The following PWWP2A variants were observed in gnomAD, a reference collection of about 807,000 sequenced individuals.
PWWP2A encodes PWWP domain containing 2A, also known as PWWP domain-containing protein 2A.
PWWP2A carries 18 observed loss-of-function variants against 48.5 expected under a neutral mutation model. That is an observed-to-expected ratio of 0.37 (90% CI 0.26 to 0.55). The LOEUF (loss-of-function observed/expected upper bound fraction) is 0.55. Ranked by LOEUF, PWWP2A falls within the 20% of genes least tolerant of loss-of-function variation. The probability of loss-of-function intolerance (pLI) is 0.81; values close to 1 mark genes in which losing one functional copy is unlikely to be tolerated. For missense variants in PWWP2A, 867 were observed against 976.4 expected (o/e 0.89, Z 1.49); for synonymous variants, 396 against 387.7 (o/e 1.02, Z -0.25).
At position 160,092,934 on chromosome 5, in the gene PWWP2A, T is replaced by C. The variant is rs1254556420; in HGVS notation, c.1716A>G (p.Gln572=). The C allele has an allele frequency of 1.7e-5, 27 of 1,551,644 alleles. No individual in the cohort carries two copies. The highest frequency in any genetic ancestry group is 2.7e-5 in the African/African-American group (2 of 73,050). ...AAGCACTGGAAGAGTCAGATTTCTT[T>C]TGATTTAGGGTCATATAAACAGAGA... The part of the protein sequence containing the change: ...NNISVYMTLN[Q]KKSDSSSASV... The change falls in exon 2 of 2, where the codon CAA becomes CAG. Residue 572 remains glutamine (Q), a synonymous_variant. Transcript: ENST00000307063.
At chr5:160,086,095 A>G (rs2113494660) in intron 2 of PWWP2A, among the ~76,000 whole-genome samples, 1 of 152,330 alleles carries the variant, frequency 6.6e-6, no homozygotes, top group Non-Finnish European at 1.5e-5. Context: ...CTGGGATTAC[A>G]GAAGTGGGCC....
At chr5:160,095,217 T>C (rs1755510831) in intron 1 of PWWP2A, among the ~76,000 whole-genome samples, 1 of 152,138 alleles carries the variant, frequency 6.6e-6, no homozygotes, top group Admixed American at 6.6e-5. Context: ...GCTTTAAGGC[T>C]AGTCAGACCC....
chr5:160,115,553 C>A (rs965121333), intron 1 of PWWP2A, among the ~76,000 whole-genome samples: 1 of 152,040 alleles, frequency 6.6e-6, no homozygotes, highest in East Asian at 1.9e-4. Context: ...ATTAGCCGGG[C>A]GTGGTGGCGG....
At chr5:160,085,851 C>T (rs1197575567) in intron 2 of PWWP2A, among the ~76,000 whole-genome samples, 1 of 149,556 alleles carries the variant, frequency 6.7e-6, no homozygotes, top group Non-Finnish European at 1.5e-5. Flanking sequence ...TGGAGTCTCA[C>T]TCTGTCATCC....
intron 1 of PWWP2A, among the ~76,000 whole-genome samples, chr5:160,107,969 C>T (rs912865060): frequency 5.3e-5 from 8 of 151,992 alleles, no homozygotes; most frequent in Admixed American, 4.6e-4. Context: ...CCATTGCACT[C>T]TGGCCTGGGC....
At chr5:160,108,112 A>C (rs1757084904) in intron 1 of PWWP2A, among the ~76,000 whole-genome samples, 1 of 151,754 alleles carries the variant, frequency 6.6e-6, no homozygotes, top group East Asian at 1.9e-4. Context: ...TAATTCCATA[A>C]TTTGTTACAG....
the PWWP2A span, chr5:160,051,114 TC>T: frequency 6.4e-7 from 1 of 1,566,590 alleles, no homozygotes; most frequent in Non-Finnish European, 8.7e-7. Context: ...CCCTTGTTTC[TC>T]CTCTTTTCCT....
At chr5:160,104,909 T>TA (rs1756708447) in intron 1 of PWWP2A, among the ~76,000 whole-genome samples, 2 of 152,094 alleles carry the variant, frequency 1.3e-5, no homozygotes, top group South Asian at 2.1e-4. Context: ...CCCTTTCCCT[T>TA]ACATTCTCAA....
chr5:160,067,245 T>G (rs4540217), intron 2 of PWWP2A, among the ~76,000 whole-genome samples: 1 of 151,870 alleles, frequency 6.6e-6, no homozygotes, highest in Non-Finnish European at 1.5e-5. Flanking sequence ...AAAAATAGAC[T>G]CTTTAATTTT....
At chr5:160,082,056 GAGGTA>G (rs1754270669) in intron 2 of PWWP2A, among the ~76,000 whole-genome samples, 1 of 152,120 alleles carries the variant, frequency 6.6e-6, no homozygotes, top group African/African-American at 2.4e-5. Flanking sequence ...ATTTAATAAT[GAGGTA>G]TTTATCCTTT....
At position 160,119,441 on chromosome 5, in the gene PWWP2A, A is replaced by G; in HGVS notation, c.-53T>C. On this transcript the variant is annotated 5_prime_UTR_variant, in exon 1 of 2. Transcript: ENST00000307063. The stretch of plus-strand genomic sequence containing the variant: ...CTCCGGCTGCAGCGGCGGCGGCGAC[A>G]GCGCTGCTTGGTTCCCTGGGCCTTC... 1 of 1,351,442 alleles carries G rather than the reference A, an allele frequency of 7.4e-7. No individual in the cohort carries two copies. Among genetic ancestry groups the G allele is most frequent in the African/African-American group, 1.5e-5 (1 of 64,980 alleles). 83.7% of individuals were successfully genotyped at this position (1,351,442 alleles called of 1,614,324 possible). A position where few individuals can be genotyped will look rare whatever the true frequency, so the allele number is the denominator to read the frequency against.
chr5:160,106,864 AC>A (rs1756955078), intron 1 of PWWP2A, among the ~76,000 whole-genome samples: 1 of 128,530 alleles, frequency 7.8e-6, no homozygotes, highest in African/African-American at 3.0e-5. Context: ...TCACTCTTTC[AC>A]CCAGGCTGGA....
At chr5:160,109,757 GAAAAAA>G (rs755988668) in intron 1 of PWWP2A, among the ~76,000 whole-genome samples, 760 of 53,242 alleles carry the variant, frequency 0.014, 4 homozygotes, top group Non-Finnish European at 0.017. Context: ...ATGCAACTGG[GAAAAAA>G]AAAAAAAAAA....
Position 160,093,558 on chromosome 5 carries a change from T to C in PWWP2A, c.1092A>G (p.Lys364=). 6.2e-7 allele frequency: 1 copy of C among 1,613,344 alleles called. No individual in the cohort carries two copies. The highest frequency in any genetic ancestry group is 8.5e-7 in the Non-Finnish European group (1 of 1,179,760). ...RNESVTTVNK[K]LKTDHKVDGK... ...CATCCACTTTATGGTCAGTTTTCAG[T>C]TTTTTGTTCACAGTAGTTACACTTT... is the stretch of plus-strand genomic sequence containing the variant. The change falls in exon 2 of 2, where the codon AAA becomes AAG. Residue 364 remains lysine (K), a synonymous_variant. Coordinates refer to ENST00000307063, the MANE Select transcript of PWWP2A (RefSeq NM_001130864.2). The surrounding 1 kb of genome is among the most constrained non-coding windows in gnomAD (Gnocchi z 5.8).
In PWWP2A at chr5:160,092,368, C is replaced by G. The variant is rs1377288648; in HGVS notation, c.*14G>C. The stretch of plus-strand genomic sequence containing the variant: ...GGTGACTTCCAATGGTCTTGCCTAC[C>G]TTACTGCCCATGTTCACGTTTCAAA... On this transcript the variant is annotated 3_prime_UTR_variant, in exon 2 of 2. Coordinates refer to ENST00000307063, the MANE Select transcript of PWWP2A (RefSeq NM_001130864.2). 1 of 1,521,238 alleles carries G rather than the reference C, an allele frequency of 6.6e-7. No individual in the cohort carries two copies. The highest frequency in any genetic ancestry group is 8.8e-7 in the Non-Finnish European group (1 of 1,134,000). The allele number at this position is 1,521,238 out of a possible 1,614,324, so 94.2% of individuals were successfully genotyped here. A position where few individuals can be genotyped will look rare whatever the true frequency, so the allele number is the denominator to read the frequency against.
downstream of PWWP2A, among the ~76,000 whole-genome samples, chr5:160,058,603 G>A (rs1452492481): frequency 6.6e-6 from 1 of 151,836 alleles, no homozygotes; most frequent in Non-Finnish European, 1.5e-5. Flanking sequence ...AGTAGAGACA[G>A]GGTTTCACCG....
the PWWP2A span, among the ~76,000 whole-genome samples, chr5:160,052,607 A>G: frequency 6.8e-6 from 1 of 147,772 alleles, no homozygotes; most frequent in South Asian, 2.2e-4. Flanking sequence ...TTTCTTGCTA[A>G]AAAAGATGAC....
chr5:160,072,060 A>G (rs1340206227), downstream of PWWP2A, among the ~76,000 whole-genome samples: 2 of 152,164 alleles, frequency 1.3e-5, no homozygotes, highest in African/African-American at 2.4e-5. Flanking sequence ...TAATCCTTCC[A>G]TCACCTGGAT....
At chr5:160,113,238 CTTTCT>C (rs1757774690) in intron 1 of PWWP2A, 1 of 982,484 alleles carries the variant, frequency 1.0e-6, no homozygotes, top group South Asian at 4.7e-5. Flanking sequence ...ACTTTCTTTT[CTTTCT>C]TGAGTTATGT....
Sources: allele counts gnomAD v4.1 joint callset (sites outside exome capture counted in the v4.1 genomes callset), GRCh38; gene constraint gnomAD v4.1.1; non-coding constraint Gnocchi (gnomAD v3.1); transcripts MANE v1.5; gene names NCBI Gene and HGNC (gene_info 2026-07-23, HGNC 2026-07-21).